TNRC6C: variants seen among roughly 807,000 people sequenced by gnomAD.
The protein encoded by TNRC6C is trinucleotide repeat-containing gene 6C protein.
Under a neutral mutation model 153.7 loss-of-function variants are expected in TNRC6C, and 20 were observed. That is an observed-to-expected ratio of 0.13 (90% confidence interval 0.09 to 0.19). TNRC6C has a LOEUF of 0.19. Ranked by LOEUF, TNRC6C falls within the 10% of genes least tolerant of loss-of-function variation. The pLI is 1.00. For missense variants in TNRC6C, 1,987 were observed against 2,172.0 expected (o/e 0.91, Z 1.69); for synonymous variants, 811 against 841.4 (o/e 0.96, Z 0.63).
rs2072082594 is a variant in TNRC6C at position 78,031,891 on chromosome 17, A to G, written c.-219+49A>G. On this transcript the variant is annotated intron_variant, in intron 2 of 19. Coordinates refer to ENST00000301624, the Ensembl canonical transcript of TNRC6C. ...ATTGTTTTGATCTGAAAACTTTGCT[A>G]TTTTCAACTTTGCTGCTGAGCAATA... 1.1e-5 allele frequency: 13 copies of G among 1,230,314 alleles called. No homozygotes were observed. In the East Asian group the frequency reaches 1.9e-4, roughly 18 times the overall value. 76.2% of individuals were successfully genotyped at this position (1,230,314 alleles called of 1,614,324 possible).
intron 17 of TNRC6C, among the ~76,000 whole-genome samples, chr17:78,099,587 C>T (rs559160772): frequency 2.2e-4 from 34 of 152,270 alleles, no homozygotes; most frequent in African/African-American, 7.7e-4. Flanking sequence ...AAAAGACCTG[C>T]CCCCATGATT....
rs539094179 is a variant in TNRC6C, at chr17:78,039,321, C to G, written c.-219+7479C>G. ...AATTTCAAATCTTGCCCCCCCCCCC[C>G]ACTCCCTACCTCTTACCAGGTCAGC... is the stretch of plus-strand genomic sequence containing the variant. On this transcript the variant is annotated intron_variant, in intron 2 of 19. Coordinates refer to ENST00000301624, the Ensembl canonical transcript of TNRC6C. Among the ~76,000 whole-genome samples, 674 of 88,802 alleles carry G rather than the reference C, an allele frequency of 7.6e-3. 8 individuals are homozygous for G. The highest frequency in any genetic ancestry group is 0.029 in the South Asian group (77 of 2,646). The allele number at this position is 88,802 out of a possible 152,430, so 58.3% of individuals were successfully genotyped here.
chr17:78,103,304 A>G, intron 18 of TNRC6C, 110 bp from the exon 22 acceptor site: 4 of 1,327,928 alleles, frequency 3.0e-6, no homozygotes, highest in Non-Finnish European at 4.1e-6. Flanking sequence ...TTTTAAAGAA[A>G]AACATTCCTA....
intron 11 of TNRC6C, among the ~76,000 whole-genome samples, chr17:78,085,099 C>G (rs1159845660): frequency 1.3e-5 from 2 of 152,160 alleles, no homozygotes; most frequent in Non-Finnish European, 2.9e-5. Flanking sequence ...ATAGAAAAAG[C>G]ATGCAGGTTT....
At chr17:78,046,234 T>G (rs867362062) in intron 2 of TNRC6C, among the ~76,000 whole-genome samples, 5 of 151,124 alleles carry the variant, frequency 3.3e-5, no homozygotes, top group South Asian at 2.1e-4. Flanking sequence ...CAGGCTGGAG[T>G]GCAGTGGCAC....
Position 78,049,265 on chromosome 17 carries a change from G to A in TNRC6C, c.203G>A (p.Ser68Asn), listed in dbSNP as rs768446820. Residue 68 changes from serine (S) to asparagine (N), a missense_variant, in exon 3 of 20, where the codon AGT becomes AAT. Transcript: ENST00000301624. This position sits in a 1 kb window ranked among gnomAD's most constrained non-coding sequence, Gnocchi z 4.1. Reference sequence around the variant, plus strand: ...TCTGGCCTGGCTCACTGCTCTGTCAGTGGTGGGGATGGAAAAATGGACACT... The same window carrying A: ...TCTGGCCTGGCTCACTGCTCTGTCAATGGTGGGGATGGAAAAATGGACACT... The A allele has an allele frequency of 5.6e-6, 9 of 1,612,176 alleles. No homozygotes were observed. Among genetic ancestry groups the A allele is most frequent in the African/African-American group, 1.3e-5 (1 of 74,938 alleles).
In TNRC6C at chr17:78,077,273, G is replaced by A. The variant is rs755113154; in HGVS notation, c.3149G>A (p.Ser1050Asn). 7 of 1,594,192 alleles carry A rather than the reference G, an allele frequency of 4.4e-6. No individual in the cohort carries two copies. In the East Asian group the frequency reaches 6.8e-5, roughly 16 times the overall value. ...CCCCTTTCACACAGTGCACTCCCCA[G>A]TCAGGCCCTGGGTGGGATTGCCTCC... is the stretch of plus-strand genomic sequence containing the variant. The change falls in exon 9 of 20, where the codon AGT becomes AAT. Residue 1050 changes from serine (S) to asparagine (N), a missense_variant. Transcript: ENST00000301624.
chr17:78,093,102 C>T lies in TNRC6C; in HGVS notation c.4140C>T (p.Gly1380=), dbSNP rs759461313. ...CTGACAGTGATAAAATCTCAAATGGCTCTAGCATCAACTGGCCCCCAGGTA... is the reference window on the plus strand; with the variant it reads ...CTGACAGTGATAAAATCTCAAATGGTTCTAGCATCAACTGGCCCCCAGGTA... The change falls in exon 15 of 20, where the codon GGC becomes GGT. Residue 1380 remains glycine (G), a synonymous_variant. Coordinates refer to ENST00000301624, the Ensembl canonical transcript of TNRC6C. 6 of 1,613,018 alleles carry T rather than the reference C, an allele frequency of 3.7e-6. No homozygotes were observed. The East Asian group carries it at 8.9e-5, about 24-fold the overall frequency.
At chr17:77,990,238 A>C (rs968489799) in intron 1 of TNRC6C, among the ~76,000 whole-genome samples, 1 of 152,192 alleles carries the variant, frequency 6.6e-6, no homozygotes, top group Admixed American at 6.5e-5. Context: ...TATTGACTGC[A>C]GTAGCCTACG....
At chr17:78,033,472 C>G (rs953167650) in intron 2 of TNRC6C, among the ~76,000 whole-genome samples, 3 of 152,114 alleles carry the variant, frequency 2.0e-5, no homozygotes, top group Non-Finnish European at 4.4e-5. Flanking sequence ...GAGTTCGAGA[C>G]CAGCCTGACC....
chr17:78,068,919 A>C (rs1357342109), intron 5 of TNRC6C, among the ~76,000 whole-genome samples: 2 of 152,342 alleles, frequency 1.3e-5, no homozygotes, highest in East Asian at 3.9e-4. Context: ...AATTCAGTCC[A>C]CATTCAGCAT....
intron 13 of TNRC6C, among the ~76,000 whole-genome samples, chr17:78,088,956 T>A (rs1353256626): frequency 7.0e-6 from 1 of 143,218 alleles, no homozygotes; most frequent in East Asian, 2.1e-4. Context: ...ACACTTATCG[T>A]TACTTTTTTT....
At chr17:78,072,911 G>C in intron 6 of TNRC6C, 126 bp from the exon 9 acceptor site, 1 of 631,530 alleles carries the variant, frequency 1.6e-6, no homozygotes, top group Non-Finnish European at 2.8e-6. Flanking sequence ...CCTCAACAGT[G>C]AAGAAATGTA....
intron 10 of TNRC6C, among the ~76,000 whole-genome samples, chr17:78,080,273 C>A (rs373731306): frequency 6.6e-6 from 1 of 152,248 alleles, no homozygotes; most frequent in East Asian, 1.9e-4. Context: ...ATGGCGAAAC[C>A]CCATCTCTAC....
At chr17:78,067,459 C>T (rs528452898) in intron 4 of TNRC6C, among the ~76,000 whole-genome samples, 1 of 152,166 alleles carries the variant, frequency 6.6e-6, no homozygotes, top group East Asian at 1.9e-4. Flanking sequence ...CCCTGGTGGC[C>T]CCAGGATTTG....
upstream of TNRC6C, among the ~76,000 whole-genome samples, chr17:77,958,219 C>A (rs185243366): frequency 8.5e-3 from 1,289 of 152,094 alleles, 12 homozygotes; most frequent in Middle Eastern, 0.021. Flanking sequence ...GGGGCGCTGG[C>A]CCGGAGAACC....
At chr17:78,070,798 A>G (rs1013200981) in intron 5 of TNRC6C, among the ~76,000 whole-genome samples, 2 of 152,212 alleles carry the variant, frequency 1.3e-5, no homozygotes, top group Admixed American at 6.5e-5. Context: ...AAAGTAGTCT[A>G]TATTTGTGAT....
intron 1 of TNRC6C, among the ~76,000 whole-genome samples, chr17:78,031,179 G>A (rs1352831625): frequency 1.3e-5 from 2 of 152,148 alleles, no homozygotes. Context: ...CAGAAAGTCT[G>A]GAGGTTGGCA....
intron 3 of TNRC6C, among the ~76,000 whole-genome samples, chr17:78,060,468 C>CTTTTTT (rs975826787): frequency 8.7e-5 from 11 of 125,980 alleles, no homozygotes; most frequent in Admixed American, 1.6e-4. Context: ...AATCGTTTAT[C>CTTTTTT]TTTTTTTTTT....
Sources: allele counts gnomAD v4.1 joint callset (sites outside exome capture counted in the v4.1 genomes callset), GRCh38; gene constraint gnomAD v4.1.1; non-coding constraint Gnocchi (gnomAD v3.1); transcripts MANE v1.5; gene names NCBI Gene and HGNC (gene_info 2026-07-23, HGNC 2026-07-21).